The following TYW1B variants were observed in gnomAD, a reference collection of about 807,000 sequenced individuals.
TYW1B encodes the protein tRNA-yW synthesizing protein 1 homolog B.
In TYW1B, 73 loss-of-function variants were observed where a neutral mutation model predicts 86.9. The observed-to-expected ratio is 0.84, with a 90% CI of 0.70 to 1.02. The LOEUF (loss-of-function observed/expected upper bound fraction) is 1.02, where lower values mean the gene tolerates loss of function less well. TYW1B is among the 50% of genes least tolerant of loss of function. TYW1B has a pLI of 0.00. For missense variants in TYW1B, 637 were observed against 827.4 expected (o/e 0.77, Z 2.82); for synonymous variants, 248 against 292.8 (o/e 0.85, Z 1.56).
intron 9 of TYW1B, among the ~76,000 whole-genome samples, chr7:72,717,736 T>A (rs1554456475): frequency 6.6e-6 from 1 of 151,606 alleles, no homozygotes; most frequent in African/African-American, 2.4e-5. Context: ...GTAAGTTACG[T>A]GAAAAAAACA....
At chr7:72,687,495 T>C (rs1457245497) in intron 11 of TYW1B, among the ~76,000 whole-genome samples, 1 of 152,064 alleles carries the variant, frequency 6.6e-6, no homozygotes, top group Non-Finnish European at 1.5e-5. Context: ...TCAGTACCTG[T>C]ATCTGGACTT....
At chr7:72,822,083 T>C (rs1586011425) in intron 2 of TYW1B, among the ~76,000 whole-genome samples, 2 of 126,298 alleles carry the variant, frequency 1.6e-5, no homozygotes, top group Admixed American at 1.9e-4. Context: ...CCATCTCCCC[T>C]AAAAATACAA....
At chr7:72,717,601 C>A (rs1786815052) in intron 9 of TYW1B, among the ~76,000 whole-genome samples, 1 of 151,910 alleles carries the variant, frequency 6.6e-6, no homozygotes, top group South Asian at 2.1e-4. Context: ...TACAGTCATT[C>A]TCCGGGTATG....
At chr7:72,586,092 G>C (rs1811269202) in intron 13 of TYW1B, among the ~76,000 whole-genome samples, 1 of 152,202 alleles carries the variant, frequency 6.6e-6, no homozygotes, top group East Asian at 1.9e-4. Context: ...TTATATTCAT[G>C]TATGTTTTAT....
At chr7:72,788,105 G>C (rs1788159788) in intron 6 of TYW1B, among the ~76,000 whole-genome samples, 1 of 151,988 alleles carries the variant, frequency 6.6e-6, no homozygotes. Flanking sequence ...AGGCTCCCGA[G>C]TAGCTGGGAC....
Position 72,801,008 on chromosome 7 carries a change from T to C in TYW1B, c.846+1392A>G, listed in dbSNP as rs1239600399. On this transcript the variant is annotated intron_variant, in intron 6 of 13. Transcript: ENST00000620995. ...AGGAATGTTTTAAAGTTTTCCAACG[T>C]AGGTTTAAGACATTTCTTTTTAAAT... Among the ~76,000 whole-genome samples the C allele has an allele frequency of 2.0e-5, 3 of 152,302 alleles. No individual in the cohort carries two copies. In the East Asian group the frequency reaches 5.8e-4, roughly 29 times the overall value.
intron 11 of TYW1B, among the ~76,000 whole-genome samples, chr7:72,692,565 A>ATTTCCT (rs1814197092): frequency 6.6e-6 from 1 of 152,076 alleles, no homozygotes; most frequent in African/African-American, 2.4e-5. Context: ...ACTATGCTAG[A>ATTTCCT]CATTGTGCAG....
chr7:72,599,171 A>G (rs1811601446), intron 13 of TYW1B, among the ~76,000 whole-genome samples: 1 of 152,252 alleles, frequency 6.6e-6, no homozygotes, highest in Non-Finnish European at 1.5e-5. Context: ...ACAATGTATC[A>G]AAAGAATTAT....
intron 13 of TYW1B, among the ~76,000 whole-genome samples, chr7:72,599,894 G>A (rs541806425): frequency 2.0e-5 from 3 of 152,016 alleles, no homozygotes; most frequent in Non-Finnish European, 4.4e-5. Context: ...TCAGTAAATG[G>A]CAGGATATTC....
intron 8 of TYW1B, among the ~76,000 whole-genome samples, chr7:72,730,042 C>A (rs114288247): frequency 2.0e-3 from 310 of 152,220 alleles, no homozygotes; most frequent in African/African-American, 7.0e-3. Flanking sequence ...AGTCAAAGCA[C>A]CCCATTCAAC....
chr7:72,763,534 G>A lies in TYW1B; in HGVS notation c.964+13882C>T, dbSNP rs569052018. Reference sequence around the variant, plus strand: ...CCTGACCTTGTGATCCACCCGCCTCGGCCTCCCAAAGCACTGGGATTACAG... The same window carrying A: ...CCTGACCTTGTGATCCACCCGCCTCAGCCTCCCAAAGCACTGGGATTACAG... On this transcript the variant is annotated intron_variant, in intron 7 of 13. Coordinates refer to ENST00000620995, the MANE Select transcript of TYW1B (RefSeq NM_001145440.3). Among the ~76,000 whole-genome samples the A allele has an allele frequency of 4.7e-4, 71 of 152,026 alleles. 1 individual carries two copies. In the East Asian group the frequency reaches 0.011, roughly 23 times the overall value.
At chr7:72,678,773 T>G (rs1341595122) in intron 11 of TYW1B, among the ~76,000 whole-genome samples, 2 of 151,912 alleles carry the variant, frequency 1.3e-5, no homozygotes, top group Non-Finnish European at 2.9e-5. Context: ...ATCTCTTGAC[T>G]TCATGATCCG....
At chr7:72,746,086 A>G (rs1482558895) in intron 7 of TYW1B, among the ~76,000 whole-genome samples, 1 of 151,610 alleles carries the variant, frequency 6.6e-6, no homozygotes, top group African/African-American at 2.4e-5. Flanking sequence ...CTGGTCTTGA[A>G]CTCCTGACCT....
chr7:72,693,751 C>G (rs868928865), intron 11 of TYW1B, among the ~76,000 whole-genome samples: 3 of 151,786 alleles, frequency 2.0e-5, no homozygotes, highest in Non-Finnish European at 4.4e-5. Flanking sequence ...TCTGTGGGCT[C>G]CATTTCCACA....
intron 13 of TYW1B, among the ~76,000 whole-genome samples, chr7:72,599,610 G>A (rs1487376881): frequency 2.0e-5 from 3 of 152,202 alleles, no homozygotes; most frequent in Non-Finnish European, 2.9e-5. Flanking sequence ...TACAGGTGAC[G>A]TGATTATACA....
intron 9 of TYW1B, among the ~76,000 whole-genome samples, chr7:72,721,994 G>A (rs1397366006): frequency 1.3e-5 from 2 of 152,110 alleles, no homozygotes; most frequent in Middle Eastern, 3.2e-3. Context: ...AGTTTGGGCC[G>A]ATCAGAAATA....
intron 11 of TYW1B, among the ~76,000 whole-genome samples, chr7:72,674,062 G>C (rs1554446873): frequency 6.6e-6 from 1 of 152,002 alleles, no homozygotes; most frequent in African/African-American, 2.4e-5. Context: ...CATACAGATG[G>C]CTTGCTAGGA....
chr7:72,734,982 G>C (rs1257939446), intron 8 of TYW1B, among the ~76,000 whole-genome samples: 1 of 152,112 alleles, frequency 6.6e-6, no homozygotes, highest in Admixed American at 6.6e-5. Context: ...TGGAGAAAGG[G>C]AACTCTTATA....
rs181305138 is a variant in TYW1B, at chr7:72,676,547, A to C, written c.1506+18140T>G. ...ACTGGTGGGGCTGCCATACCTGGGC[A>C]GGGTGGATTTGCTGGCCAGGTGCTG... On this transcript the variant is annotated intron_variant, in intron 11 of 13. Transcript: ENST00000620995. Among the ~76,000 whole-genome samples the C allele has an allele frequency of 3.2e-3, 491 of 152,288 alleles. 3 individuals are homozygous for C. The highest frequency in any genetic ancestry group is 0.011 in the African/African-American group (473 of 41,562).
Sources: allele counts gnomAD v4.1 joint callset (sites outside exome capture counted in the v4.1 genomes callset), GRCh38; gene constraint gnomAD v4.1.1; transcripts MANE v1.5; gene names NCBI Gene and HGNC (gene_info 2026-07-23, HGNC 2026-07-21).